Variants in CDH4 observed in about 807,000 individuals in gnomAD.
The protein encoded by CDH4 is cadherin 4.
Under a neutral mutation model 86.0 loss-of-function variants are expected in CDH4, and 33 were observed. That is an observed-to-expected ratio of 0.38 (90% confidence interval 0.29 to 0.51). The LOEUF (loss-of-function observed/expected upper bound fraction) is 0.51, where lower values mean the gene tolerates loss of function less well. Among genes scored for constraint, CDH4 ranks in the 20% least tolerant of loss-of-function variants. The pLI is 0.86. For missense variants in CDH4, 1,114 were observed against 1,307.4 expected (o/e 0.85, Z 2.28); for synonymous variants, 555 against 549.4 (o/e 1.01, Z -0.14).
chr20:61,387,712 C>T (rs984645649), intron 2 of CDH4, among the ~76,000 whole-genome samples: 9 of 152,212 alleles, frequency 5.9e-5, no homozygotes, highest in Admixed American at 1.3e-4. Flanking sequence ...GTGGCTCAAT[C>T]TTGTCATTGG....
chr20:61,494,805 T>C (rs6089402), intron 2 of CDH4, among the ~76,000 whole-genome samples: 4,654 of 152,376 alleles, frequency 0.031, 119 homozygotes, highest in Non-Finnish European at 0.047. Context: ...TTTCTCTAGC[T>C]ATCATTTTCT....
At chr20:61,907,893 G>A (rs1007140956) in intron 8 of CDH4, among the ~76,000 whole-genome samples, 1 of 152,310 alleles carries the variant, frequency 6.6e-6, no homozygotes, top group East Asian at 1.9e-4. Flanking sequence ...CGTGGCCATC[G>A]TGTGAGGAAG....
chr20:61,898,052 G>A (rs1240282487), intron 8 of CDH4, among the ~76,000 whole-genome samples: 1 of 152,200 alleles, frequency 6.6e-6, no homozygotes, highest in African/African-American at 2.4e-5. Context: ...CATGGTCCTG[G>A]AGAAGGGGTG....
intron 4 of CDH4, among the ~76,000 whole-genome samples, chr20:61,814,329 G>C (rs1305326689): frequency 6.6e-6 from 1 of 152,194 alleles, no homozygotes; most frequent in Non-Finnish European, 1.5e-5. Flanking sequence ...GGGCAGGATT[G>C]GAACCCAGGC....
chr20:61,535,839 C>T (rs1300622391), intron 2 of CDH4, among the ~76,000 whole-genome samples: 1 of 152,174 alleles, frequency 6.6e-6, no homozygotes, highest in Non-Finnish European at 1.5e-5. Context: ...TTTGGGCATT[C>T]GAACCCCCTG....
At chr20:61,642,294 C>A (rs2087019318) in intron 2 of CDH4, among the ~76,000 whole-genome samples, 1 of 152,110 alleles carries the variant, frequency 6.6e-6, no homozygotes, top group African/African-American at 2.4e-5. Context: ...CCTAGGGCAC[C>A]CTGGGGTTTG....
chr20:61,798,174 C>CCCCCA (rs1555840178), intron 4 of CDH4, among the ~76,000 whole-genome samples: 7 of 150,552 alleles, frequency 4.6e-5, no homozygotes, highest in Admixed American at 2.0e-4. Flanking sequence ...GCAGCCATAA[C>CCCCCA]CCCCGCCCCG....
rs529512433 is a variant in CDH4 at position 61,393,005 on chromosome 20, C to T, written c.169+138068C>T. ...ACATGCCTTGTCGCTCAGGGCTTGA[C>T]GGGATAGAAAACGTGAGGACAGAGC... On this transcript the variant is annotated intron_variant, in intron 2 of 15. Transcript: ENST00000614565. The surrounding 1 kb of genome is among the most constrained non-coding windows in gnomAD (Gnocchi z 4.3). Among the ~76,000 whole-genome samples the T allele has an allele frequency of 6.6e-6, 1 of 152,162 alleles. No homozygotes were observed. Among genetic ancestry groups the T allele is most frequent in the Non-Finnish European group, 1.5e-5 (1 of 68,042 alleles).
chr20:61,533,937 GGGAGGTGCTTCTTGCCATTGC>G (rs1273277945), intron 2 of CDH4, among the ~76,000 whole-genome samples: 2 of 152,160 alleles, frequency 1.3e-5, no homozygotes, highest in African/African-American at 4.8e-5. Context: ...AACTGTAGTT[GGGAGGTGCTTCTTGCCATTGC>G]TTTTGCTTTC....
chr20:61,790,509 A>C (rs1198055877), intron 4 of CDH4, among the ~76,000 whole-genome samples: 2 of 147,350 alleles, frequency 1.4e-5, no homozygotes, highest in Non-Finnish European at 3.0e-5. Flanking sequence ...CCATCCATTC[A>C]TCTTTCTACC....
chr20:61,856,893 G>A (rs1983038757), intron 6 of CDH4, among the ~76,000 whole-genome samples: 3 of 152,254 alleles, frequency 2.0e-5, no homozygotes, highest in African/African-American at 7.2e-5. Flanking sequence ...GCAGTGCCAG[G>A]TGTGGCAGCG....
intron 7 of CDH4, among the ~76,000 whole-genome samples, chr20:61,890,425 A>C (rs1984768926): frequency 6.7e-6 from 1 of 149,126 alleles, no homozygotes; most frequent in Non-Finnish European, 1.5e-5. Flanking sequence ...TGATGGATGG[A>C]TAGATGACGG....
intron 2 of CDH4, among the ~76,000 whole-genome samples, chr20:61,511,623 A>G (rs949166222): frequency 3.3e-5 from 5 of 152,236 alleles, no homozygotes; most frequent in African/African-American, 1.2e-4. Flanking sequence ...GAATCATAAA[A>G]TATGTGTATG....
At chr20:61,391,664 CTCT>C (rs1205263844) in intron 2 of CDH4, among the ~76,000 whole-genome samples, 6 of 152,208 alleles carry the variant, frequency 3.9e-5, no homozygotes, top group Non-Finnish European at 7.3e-5. Flanking sequence ...TGGTCCAAAG[CTCT>C]TCTTCTCTCC....
chr20:61,515,237 T>C (rs2085810089), intron 2 of CDH4, among the ~76,000 whole-genome samples: 1 of 152,268 alleles, frequency 6.6e-6, no homozygotes, highest in Admixed American at 6.5e-5. Flanking sequence ...CTCCCGGTTC[T>C]GGGGACTCCC....
chr20:61,699,657 G>A (rs971896096), intron 2 of CDH4, among the ~76,000 whole-genome samples: 10 of 152,162 alleles, frequency 6.6e-5, no homozygotes, highest in Middle Eastern at 3.2e-3. Flanking sequence ...TAGTTGTTTC[G>A]TGGAGGTCAC....
intron 2 of CDH4, among the ~76,000 whole-genome samples, chr20:61,642,110 T>A (rs1159393720): frequency 6.6e-6 from 1 of 152,246 alleles, no homozygotes; most frequent in Non-Finnish European, 1.5e-5. Flanking sequence ...CCACGTGATA[T>A]TTAGCAGCCT....
chr20:61,783,263 T>C (rs1978643338), intron 4 of CDH4, among the ~76,000 whole-genome samples: 1 of 152,238 alleles, frequency 6.6e-6, no homozygotes, highest in Non-Finnish European at 1.5e-5. Context: ...CTGAACACAC[T>C]AATATACATT....
chr20:61,813,749 C>T (rs769062840), intron 4 of CDH4, among the ~76,000 whole-genome samples: 3 of 152,150 alleles, frequency 2.0e-5, no homozygotes, highest in East Asian at 1.9e-4. Flanking sequence ...CCCTTTCCCT[C>T]GACAAAGCTT....
Sources: allele counts gnomAD v4.1 joint callset (sites outside exome capture counted in the v4.1 genomes callset), GRCh38; gene constraint gnomAD v4.1.1; non-coding constraint Gnocchi (gnomAD v3.1); transcripts MANE v1.5; gene names NCBI Gene and HGNC (gene_info 2026-07-23, HGNC 2026-07-21).